The following SORBS2 variants were observed in gnomAD, a reference collection of about 807,000 sequenced individuals.
SORBS2 encodes sorbin and SH3 domain-containing protein 2.
Under a neutral mutation model 97.7 loss-of-function variants are expected in SORBS2, and 46 were observed. The ratio of observed to expected loss-of-function variants is 0.47; its 90% confidence interval spans 0.37 to 0.60. The LOEUF (loss-of-function observed/expected upper bound fraction) is 0.60, where lower values mean the gene tolerates loss of function less well. Ranked by LOEUF, SORBS2 falls within the 20% of genes least tolerant of loss-of-function variation. The probability of loss-of-function intolerance (pLI) is 0.00; values close to 1 mark genes in which losing one functional copy is unlikely to be tolerated. For missense variants in SORBS2, 1,316 were observed against 1,282.3 expected, an observed-to-expected ratio of 1.03 and a Z score of -0.40; for synonymous variants, 476 against 473.4, an observed-to-expected ratio of 1.01 and a Z score of -0.07.
chr4:185,923,111 G>T (rs979464762), intron 1 of SORBS2, among the ~76,000 whole-genome samples: 10 of 152,092 alleles, frequency 6.6e-5, no homozygotes, highest in African/African-American at 1.9e-4. Context: ...AATCTGTATG[G>T]GGGGAGCCCC....
In SORBS2 at chr4:185,730,310, CTTTTTTTTT is replaced by C. The variant is rs67749971; in HGVS notation, c.-198+44908_-198+44916del. ...TTTTTTTTAAAGGTCAATATACTTT[CTTTTTTTTT>C]TTTTTTTTTGGAAAAGAAATATTCC... On this transcript the variant is annotated intron_variant, in intron 2 of 20. Transcript: ENST00000284776. Among the ~76,000 whole-genome samples, 7 of 125,276 alleles carry C rather than the reference CTTTTTTTTT, an allele frequency of 5.6e-5. No individual in the cohort carries two copies. In the East Asian group the frequency reaches 1.1e-3, roughly 20 times the overall value. 82.2% of individuals were successfully genotyped at this position (125,276 alleles called of 152,430 possible).
At chr4:185,761,813 G>A (rs2098894836) in intron 2 of SORBS2, among the ~76,000 whole-genome samples, 1 of 152,194 alleles carries the variant, frequency 6.6e-6, no homozygotes, top group South Asian at 2.1e-4. Context: ...TGCCAGCCCT[G>A]CCTTTTATCT....
At chr4:185,667,015 A>G (rs536133940) in intron 4 of SORBS2, among the ~76,000 whole-genome samples, 5 of 152,250 alleles carry the variant, frequency 3.3e-5, no homozygotes, top group African/African-American at 7.2e-5. Context: ...GAAGATGACC[A>G]TTTGAAATTT....
At chr4:185,774,867 T>TG (rs2098992306) in intron 2 of SORBS2, 1 of 63,788 alleles carries the variant, frequency 1.6e-5, no homozygotes, top group African/African-American at 5.7e-5. Context: ...ATCTTTTTCC[T>TG]CTTTTTTTTT....
chr4:185,800,856 G>A (rs965533489), intron 1 of SORBS2, among the ~76,000 whole-genome samples: 1 of 152,198 alleles, frequency 6.6e-6, no homozygotes, highest in Non-Finnish European at 1.5e-5. Flanking sequence ...ACTGTGCACT[G>A]ATCACCACAA....
chr4:185,588,280 A>G (rs1410092594), intron 14 of SORBS2: 1 of 152,294 alleles, frequency 6.6e-6, no homozygotes, highest in East Asian at 1.9e-4. Context: ...TCATTAATGA[A>G]AAAAAGGATT....
At chr4:185,734,572 T>C (rs2098669886) in intron 2 of SORBS2, among the ~76,000 whole-genome samples, 1 of 152,130 alleles carries the variant, frequency 6.6e-6, no homozygotes, top group African/African-American at 2.4e-5. Context: ...AGCATTTTAA[T>C]AGAATGGAAG....
chr4:185,929,625 T>C lies in SORBS2; in HGVS notation c.-338+26571A>G, dbSNP rs369942177. On this transcript the variant is annotated intron_variant, in intron 1 of 20. Transcript: ENST00000284776. ...TCACTGACTCACTGGAACCTCCGCCTCCCGGGTTCAAGAGATTCTCCTGCC... is the reference window on the plus strand; with the variant it reads ...TCACTGACTCACTGGAACCTCCGCCCCCCGGGTTCAAGAGATTCTCCTGCC... 1.5e-4 allele frequency among the ~76,000 whole-genome samples: 22 copies of C among 149,946 alleles called. No individual in the cohort carries two copies. In the East Asian group the frequency reaches 3.0e-3, roughly 20 times the overall value.
intron 1 of SORBS2, among the ~76,000 whole-genome samples, chr4:185,791,815 G>A (rs569543433): frequency 6.6e-6 from 1 of 152,030 alleles, no homozygotes; most frequent in Non-Finnish European, 1.5e-5. Context: ...TGTTCAACAT[G>A]TACAGAGCCC....
chr4:185,709,416 T>C (rs957120529), intron 2 of SORBS2, among the ~76,000 whole-genome samples: 1 of 151,782 alleles, frequency 6.6e-6, no homozygotes, highest in Non-Finnish European at 1.5e-5. Context: ...ACTAATCTTT[T>C]TTATTAGGGT....
chr4:185,633,852 A>G (rs1014484809), intron 4 of SORBS2, among the ~76,000 whole-genome samples: 4 of 152,006 alleles, frequency 2.6e-5, no homozygotes, highest in African/African-American at 7.2e-5. Flanking sequence ...CATTTCAGTT[A>G]TCTATGAACC....
intron 9 of SORBS2, chr4:185,615,368 A>G: frequency 3.5e-6 from 2 of 567,358 alleles, no homozygotes; most frequent in Non-Finnish European, 6.3e-6. Flanking sequence ...TTTCAAACAG[A>G]GTAAGTATAA....
chr4:185,795,104 C>T lies in SORBS2; in HGVS notation c.-337-19738G>A, dbSNP rs185211856. On this transcript the variant is annotated intron_variant, in intron 1 of 20. Transcript: ENST00000284776. ...TGTGCACCTGACCCTGTGCTTAGAA[C>T]GGCCAGGTGTTCTGTTTGATACCCT... is the stretch of plus-strand genomic sequence containing the variant. 3.3e-3 allele frequency among the ~76,000 whole-genome samples: 501 copies of T among 152,208 alleles called. 2 individuals are homozygous for T. Among genetic ancestry groups the T allele is most frequent in the South Asian group, 7.5e-3 (36 of 4,806 alleles).
intron 1 of SORBS2, among the ~76,000 whole-genome samples, chr4:185,926,110 T>TA (rs1423820989): frequency 2.0e-5 from 3 of 152,240 alleles, no homozygotes; most frequent in African/African-American, 7.2e-5. Flanking sequence ...AGGACTGCGC[T>TA]ATAACCGCGC....
At chr4:185,648,644 CT>C (rs1275331532) in intron 3 of SORBS2, among the ~76,000 whole-genome samples, 1 of 152,096 alleles carries the variant, frequency 6.6e-6, no homozygotes, top group Non-Finnish European at 1.5e-5. Context: ...TTTTTATATT[CT>C]TATTTATTAA....
chr4:185,703,299 T>A (rs1356663714), intron 2 of SORBS2, among the ~76,000 whole-genome samples: 2 of 152,176 alleles, frequency 1.3e-5, no homozygotes, highest in African/African-American at 4.8e-5. Flanking sequence ...GCTTTTTTCA[T>A]GAGTAGTGTG....
chr4:185,729,742 G>A (rs544411924), intron 2 of SORBS2, among the ~76,000 whole-genome samples: 43 of 152,234 alleles, frequency 2.8e-4, no homozygotes, highest in African/African-American at 1.0e-3. Context: ...GAATTATCAT[G>A]ATCTACTTTG....
chr4:185,760,041 G>T (rs1021349785), intron 2 of SORBS2, among the ~76,000 whole-genome samples: 4 of 152,148 alleles, frequency 2.6e-5, no homozygotes, highest in Admixed American at 2.0e-4. Context: ...CTCAAGGATA[G>T]CCCAGCTTAG....
chr4:185,719,877 G>A (rs1218148131), intron 2 of SORBS2, among the ~76,000 whole-genome samples: 1 of 152,216 alleles, frequency 6.6e-6, no homozygotes, highest in Admixed American at 6.5e-5. Context: ...ATTTATAACG[G>A]AAGTTTCAGC....
Sources: allele counts gnomAD v4.1 joint callset (sites outside exome capture counted in the v4.1 genomes callset), GRCh38; gene constraint gnomAD v4.1.1; transcripts MANE v1.5; gene names NCBI Gene and HGNC (gene_info 2026-07-23, HGNC 2026-07-21).